TMEM132B: variants seen among roughly 807,000 people sequenced by gnomAD.
TMEM132B encodes the protein transmembrane protein 132B.
TMEM132B carries 18 observed loss-of-function variants against 90.8 expected under a neutral mutation model. That is an observed-to-expected ratio of 0.20 (90% confidence interval 0.14 to 0.29). The LOEUF is 0.29. Ranked by LOEUF, TMEM132B falls within the 10% of genes least tolerant of loss-of-function variation. The pLI, the probability that TMEM132B is intolerant of heterozygous loss-of-function variation, is 1.00. For synonymous variants in TMEM132B, 504 were observed against 523.3 expected, an observed-to-expected ratio of 0.96 and a Z score of 0.50; for missense variants, 1,096 against 1,326.8, an observed-to-expected ratio of 0.83 and a Z score of 2.70.
chr12:125,242,864 T>C (rs1316615457), intron 1 of TMEM132B, among the ~76,000 whole-genome samples: 2 of 152,064 alleles, frequency 1.3e-5, no homozygotes, highest in Non-Finnish European at 2.9e-5. Flanking sequence ...TAACATAACA[T>C]TTACCATTAG....
intron 3 of TMEM132B, among the ~76,000 whole-genome samples, chr12:125,475,438 G>T (rs936345753): frequency 2.0e-5 from 3 of 152,172 alleles, no homozygotes; most frequent in Non-Finnish European, 4.4e-5. Flanking sequence ...CTGTGAGGGT[G>T]TTGCCAAAGG....
chr12:125,565,243 C>T (rs758898924), intron 4 of TMEM132B, among the ~76,000 whole-genome samples: 13 of 152,180 alleles, frequency 8.5e-5, no homozygotes, highest in African/African-American at 3.1e-4. Context: ...CCTGACCCGC[C>T]TTGCAGGATG....
chr12:125,510,282 G>T (rs1232665143), intron 3 of TMEM132B, among the ~76,000 whole-genome samples: 1 of 152,160 alleles, frequency 6.6e-6, no homozygotes, highest in Non-Finnish European at 1.5e-5. Context: ...AAGATTTATT[G>T]TTTTCAGCTC....
At position 125,425,585 on chromosome 12, in the gene TMEM132B, C is replaced by G. The variant is rs547683753; in HGVS notation, c.1106+9908C>G. 2.3e-3 allele frequency among the ~76,000 whole-genome samples: 352 copies of G among 152,292 alleles called. 1 individual carries two copies. Among genetic ancestry groups the G allele is most frequent in the Middle Eastern group, 0.014 (4 of 294 alleles). ...TAGCTCCACTACCCTAAAACCACCCCCTGTGCTCTACCTACCCTCTCCCTC... is the reference window on the plus strand; with the variant it reads ...TAGCTCCACTACCCTAAAACCACCCGCTGTGCTCTACCTACCCTCTCCCTC... On this transcript the variant is annotated intron_variant, in intron 3 of 8. Coordinates refer to ENST00000682704, the MANE Select transcript of TMEM132B (RefSeq NM_001366854.1).
In TMEM132B at chr12:125,525,520, G is replaced by A. The variant is rs372817520; in HGVS notation, c.1293+5895G>A. 2.6e-4 allele frequency among the ~76,000 whole-genome samples: 39 copies of A among 152,366 alleles called. 1 individual carries two copies. The South Asian group carries it at 7.5e-3, about 29-fold the overall frequency. ...GCAGCAACAAGGCACCATCTTGGAA[G>A]CAAAGAGACCAGATCTTCAGCAGAC... is the stretch of plus-strand genomic sequence containing the variant. On this transcript the variant is annotated intron_variant, in intron 4 of 8. Transcript: ENST00000682704.
At chr12:125,472,542 A>C (rs553062925) in intron 3 of TMEM132B, among the ~76,000 whole-genome samples, 6 of 152,178 alleles carry the variant, frequency 3.9e-5, no homozygotes, top group African/African-American at 1.4e-4. Context: ...CTGCTGCTCT[A>C]TGAGGAGAAT....
intron 4 of TMEM132B, among the ~76,000 whole-genome samples, chr12:125,573,979 C>T (rs1884870732): frequency 6.6e-6 from 1 of 152,170 alleles, no homozygotes. Flanking sequence ...TTATCTGTTA[C>T]ATAATATTTT....
At position 125,656,863 on chromosome 12, in the gene TMEM132B, G is replaced by A. The variant is rs1337214513; in HGVS notation, c.*2153G>A. ...GGATCTCTGGCATTCCAGAAAGACTGGGAATTCATTTCTGAAAATGATGAA... is the reference window on the plus strand; with the variant it reads ...GGATCTCTGGCATTCCAGAAAGACTAGGAATTCATTTCTGAAAATGATGAA... On this transcript the variant is annotated 3_prime_UTR_variant, in exon 9 of 9. Transcript: ENST00000682704. 2.0e-5 allele frequency: 3 copies of A among 152,218 alleles called. No individual in the cohort carries two copies. Among genetic ancestry groups the A allele is most frequent in the Non-Finnish European group, 2.9e-5 (2 of 68,082 alleles). 9.4% of individuals were successfully genotyped at this position (152,218 alleles called of 1,614,324 possible).
chr12:125,353,719 G>A (rs1305785028), intron 2 of TMEM132B, among the ~76,000 whole-genome samples: 2 of 152,178 alleles, frequency 1.3e-5, no homozygotes, highest in African/African-American at 4.8e-5. Flanking sequence ...TAGAGCTTGT[G>A]CCCTTCATCC....
intron 4 of TMEM132B, among the ~76,000 whole-genome samples, chr12:125,521,264 ATTCTCCTTCTCCTTCT>A (rs1372134173): frequency 1.1e-4 from 16 of 149,824 alleles, no homozygotes; most frequent in Non-Finnish European, 1.8e-4. Flanking sequence ...TCTCTTTCTC[ATTCTCCTTCTCCTTCT>A]TTCTCCTTCT....
chr12:125,494,138 G>A (rs1365040994), intron 3 of TMEM132B, among the ~76,000 whole-genome samples: 1 of 97,764 alleles, frequency 1.0e-5, no homozygotes, highest in African/African-American at 4.1e-5. Flanking sequence ...GGAAATGGAT[G>A]CATCCCCTCC....
At chr12:125,591,849 A>T (rs10773179) in intron 5 of TMEM132B, among the ~76,000 whole-genome samples, 1 of 151,886 alleles carries the variant, frequency 6.6e-6, no homozygotes, top group Non-Finnish European at 1.5e-5. Flanking sequence ...CATTGGATTT[A>T]GGGGCCGTCC....
At chr12:125,290,905 A>G (rs1348568606) in intron 1 of TMEM132B, among the ~76,000 whole-genome samples, 1 of 152,212 alleles carries the variant, frequency 6.6e-6, no homozygotes, top group African/African-American at 2.4e-5. Context: ...GACCGTGGAT[A>G]TGAGGAATAT....
chr12:125,278,292 T>G (rs760871885), intron 1 of TMEM132B, among the ~76,000 whole-genome samples: 1 of 152,202 alleles, frequency 6.6e-6, no homozygotes, highest in Non-Finnish European at 1.5e-5. Flanking sequence ...GTGGAAAACA[T>G]GTACTTTCTA....
intron 3 of TMEM132B, among the ~76,000 whole-genome samples, chr12:125,489,118 T>C (rs1157292502): frequency 6.6e-6 from 1 of 152,246 alleles, no homozygotes; most frequent in Non-Finnish European, 1.5e-5. Flanking sequence ...GCATATGCAA[T>C]GATCTCTTTA....
chr12:125,417,681 T>C (rs1880055008), intron 3 of TMEM132B, among the ~76,000 whole-genome samples: 1 of 152,190 alleles, frequency 6.6e-6, no homozygotes, highest in East Asian at 1.9e-4. Context: ...CTTAGCAACC[T>C]GTCTCCCTGG....
chr12:125,441,973 A>G (rs1352058960), intron 3 of TMEM132B, among the ~76,000 whole-genome samples: 1 of 152,230 alleles, frequency 6.6e-6, no homozygotes, highest in African/African-American at 2.4e-5. Flanking sequence ...TTTCCTCTAA[A>G]ATTTATATTC....
intron 8 of TMEM132B, among the ~76,000 whole-genome samples, chr12:125,653,176 C>T (rs1886970808): frequency 6.6e-6 from 1 of 152,270 alleles, no homozygotes; most frequent in Non-Finnish European, 1.5e-5. Context: ...TCCATCACCA[C>T]TGGCTTCTTA....
At chr12:125,513,429 A>C (rs1256607565) in intron 3 of TMEM132B, among the ~76,000 whole-genome samples, 1 of 152,206 alleles carries the variant, frequency 6.6e-6, no homozygotes, top group Non-Finnish European at 1.5e-5. Context: ...ATGTTAGAAG[A>C]TAAAAGCCAT....
Sources: allele counts gnomAD v4.1 joint callset (sites outside exome capture counted in the v4.1 genomes callset), GRCh38; gene constraint gnomAD v4.1.1; transcripts MANE v1.5; gene names NCBI Gene and HGNC (gene_info 2026-07-23, HGNC 2026-07-21).